XIRP2: variants seen among roughly 807,000 people sequenced by gnomAD.
XIRP2 encodes xin actin-binding repeat-containing protein 2.
XIRP2 carries 236 observed loss-of-function variants against 277.0 expected under a neutral mutation model. The observed-to-expected ratio is 0.85, with a 90% CI of 0.77 to 0.95. The LOEUF (loss-of-function observed/expected upper bound fraction) is 0.95. XIRP2 is among the 40% of genes least tolerant of loss of function. The probability of loss-of-function intolerance (pLI) is 0.00; values close to 1 mark genes in which losing one functional copy is unlikely to be tolerated. For synonymous variants in XIRP2, 1,490 were observed against 1,416.5 expected, an observed-to-expected ratio of 1.05 and a Z score of -1.17; for missense variants, 4,640 against 4,157.5, an observed-to-expected ratio of 1.12 and a Z score of -3.19.
In XIRP2 at chr2:167,247,945, C is replaced by A; in HGVS notation, c.6553C>A (p.Gln2185Lys). 1.2e-6 allele frequency: 2 copies of A among 1,609,516 alleles called. No homozygotes were observed. Among genetic ancestry groups the A allele is most frequent in the Non-Finnish European group, 1.7e-6 (2 of 1,178,818 alleles). The change falls in exon 9 of 11, where the codon CAA (glutamine) becomes AAA (lysine). Residue 2185 changes from glutamine (Q) to lysine (K), a missense_variant. Gln to Lys is a moderately conservative substitution (Grantham distance 53). Coordinates refer to ENST00000409195, the MANE Select transcript of XIRP2 (RefSeq NM_152381.6). ...TYDLSGDFQK[Q>K]TLLKQETKYS... ...CGACCTTTCAGGGGACTTTCAGAAG[C>A]AAACTTTGTTAAAGCAAGAAACAAA...
intron 5 of XIRP2, among the ~76,000 whole-genome samples, chr2:167,239,544 G>T (rs912963226): frequency 2.0e-5 from 3 of 152,202 alleles, no homozygotes; most frequent in Admixed American, 6.5e-5. Context: ...GAAGTGGGCA[G>T]CCTCTAGAAG....
intron 2 of XIRP2, among the ~76,000 whole-genome samples, chr2:167,094,735 T>A (rs1156661974): frequency 6.6e-6 from 1 of 152,234 alleles, no homozygotes; most frequent in Non-Finnish European, 1.5e-5. Context: ...TAGTATAGTT[T>A]GAAGTCAGGT....
intron 2 of XIRP2, among the ~76,000 whole-genome samples, chr2:167,073,682 A>G (rs974644646): frequency 2.6e-5 from 4 of 152,196 alleles, no homozygotes. Flanking sequence ...TTAAATTTAG[A>G]AAGGATTTCC....
intron 3 of XIRP2, among the ~76,000 whole-genome samples, chr2:167,176,411 C>T (rs1016862918): frequency 6.6e-6 from 1 of 152,194 alleles, no homozygotes; most frequent in African/African-American, 2.4e-5. Context: ...CTGCATTGAT[C>T]TCGCTGGAGC....
chr2:166,911,688 C>T (rs576781327), intron 2 of XIRP2, among the ~76,000 whole-genome samples: 11 of 152,256 alleles, frequency 7.2e-5, no homozygotes, highest in South Asian at 6.2e-4. Context: ...TTAGTTGATG[C>T]GGTTTCTTCC....
intron 2 of XIRP2, among the ~76,000 whole-genome samples, chr2:167,089,780 A>G (rs572633146): frequency 6.6e-6 from 1 of 152,112 alleles, no homozygotes; most frequent in African/African-American, 2.4e-5. Context: ...ATTTTTTTTA[A>G]GATAAAGTTC....
In XIRP2 at chr2:167,181,654, T is replaced by C. The variant is rs536198660; in HGVS notation, c.563-29081T>C. Among the ~76,000 whole-genome samples the C allele has an allele frequency of 3.9e-5, 6 of 152,330 alleles. No homozygotes were observed. The South Asian group carries it at 8.3e-4, about 21-fold the overall frequency. On this transcript the variant is annotated intron_variant, in intron 3 of 10. Transcript: ENST00000409195. The stretch of plus-strand genomic sequence containing the variant: ...CTTTTTTCCTCCAGAACAAATATCA[T>C]TGATTCTCTATAGTTCTTTCATTCA...
chr2:167,056,228 TG>T (rs1335090845), intron 2 of XIRP2, among the ~76,000 whole-genome samples: 1 of 152,092 alleles, frequency 6.6e-6, no homozygotes, highest in Non-Finnish European at 1.5e-5. Context: ...TAAAAGTAAC[TG>T]GGGGGAAAAT....
At chr2:167,072,936 C>T (rs1013060542) in intron 2 of XIRP2, among the ~76,000 whole-genome samples, 4 of 152,104 alleles carry the variant, frequency 2.6e-5, no homozygotes, top group African/African-American at 9.7e-5. Flanking sequence ...TTGAAACATT[C>T]TGCATATTCC....
Position 167,243,759 on chromosome 2 carries a change from TA to T in XIRP2, c.2370del (p.Val791LeufsTer15), listed in dbSNP as rs776058533. On this transcript the variant is annotated frameshift_variant, in exon 9 of 11. Transcript: ENST00000409195. LOFTEE classifies it high-confidence loss of function. The stretch of plus-strand genomic sequence containing the variant: ...CAATTAACAAAGATATCACAGAAAT[TA>T]AAGTTGTCCGAGGAATATCCATGGA... ...DTINKDITEI[K>X]VVRGISMEEN... The T allele has an allele frequency of 6.2e-7, 1 of 1,613,836 alleles. No homozygotes were observed. The highest frequency in any genetic ancestry group is 1.3e-5 in the African/African-American group (1 of 74,872).
chr2:167,172,837 G>C (rs369590510), intron 3 of XIRP2, among the ~76,000 whole-genome samples: 1 of 152,260 alleles, frequency 6.6e-6, no homozygotes, highest in Admixed American at 6.5e-5. Flanking sequence ...CTCAGCTTAC[G>C]AAGATGATGG....
chr2:167,258,864 G>C lies in XIRP2; in HGVS notation c.*1047G>C, dbSNP rs758672525. On this transcript the variant is annotated 3_prime_UTR_variant, in exon 11 of 11. Transcript: ENST00000409195. The stretch of plus-strand genomic sequence containing the variant: ...TTTGAATCTGAAAAGACTTATTCGA[G>C]GAATGTACTAGCAATGGCTCTGAAG... The C allele has an allele frequency of 6.2e-6, 10 of 1,613,166 alleles. No individual in the cohort carries two copies. The East Asian group carries it at 2.2e-4, about 36-fold the overall frequency.
At chr2:167,038,334 T>C (rs1688571642) in intron 2 of XIRP2, among the ~76,000 whole-genome samples, 1 of 151,964 alleles carries the variant, frequency 6.6e-6, no homozygotes, top group East Asian at 1.9e-4. Flanking sequence ...AAAGAGGCCA[T>C]GAAAACCAAT....
intron 3 of XIRP2, among the ~76,000 whole-genome samples, chr2:167,176,691 G>T: frequency 6.6e-6 from 1 of 152,202 alleles, no homozygotes; most frequent in East Asian, 1.9e-4. Context: ...GGTTGTTAGT[G>T]TGGGGTAAGT....
chr2:167,025,514 T>C lies in XIRP2; in HGVS notation c.409-110395T>C, dbSNP rs1189161891. On this transcript the variant is annotated intron_variant, in intron 2 of 10. Coordinates refer to ENST00000409195, the MANE Select transcript of XIRP2 (RefSeq NM_152381.6). ...TCTGCTAGCTTTTGAATGTGTTTGCTCTTGCTTTTCTAGTTCTTTTAATTG... is the reference window on the plus strand; with the variant it reads ...TCTGCTAGCTTTTGAATGTGTTTGCCCTTGCTTTTCTAGTTCTTTTAATTG... Among the ~76,000 whole-genome samples, 4 of 151,824 alleles carry C rather than the reference T, an allele frequency of 2.6e-5. No homozygotes were observed. The East Asian group carries it at 7.8e-4, about 30-fold the overall frequency.
rs1020557421 is a variant in XIRP2, at chr2:167,220,782, C to G, written c.858+2482C>G. ...TACCTTGTTTCCCTAAATGGAAGTT[C>G]TCAGCATATGGTTTTCAATGAAGAA... On this transcript the variant is annotated intron_variant, in intron 5 of 10. Coordinates refer to ENST00000409195, the MANE Select transcript of XIRP2 (RefSeq NM_152381.6). Among the ~76,000 whole-genome samples, 8 of 152,180 alleles carry G rather than the reference C, an allele frequency of 5.3e-5. 1 individual carries two copies. The highest frequency in any genetic ancestry group is 5.2e-4 in the Admixed American group (8 of 15,280).
chr2:167,020,536 C>T (rs1037785703), intron 2 of XIRP2, among the ~76,000 whole-genome samples: 1 of 151,868 alleles, frequency 6.6e-6, no homozygotes, highest in East Asian at 1.9e-4. Flanking sequence ...CTCTTCTATT[C>T]GTATGATCAG....
intron 2 of XIRP2, among the ~76,000 whole-genome samples, chr2:167,076,305 C>G (rs1371959219): frequency 2.6e-5 from 4 of 152,150 alleles, no homozygotes; most frequent in African/African-American, 9.7e-5. Flanking sequence ...TATACTCAAT[C>G]TTTTATTTCA....
chr2:167,141,307 A>T (rs1004769), intron 3 of XIRP2, among the ~76,000 whole-genome samples: 19,557 of 152,178 alleles, frequency 0.13, 1,357 homozygotes, highest in African/African-American at 0.19. Context: ...CAAACAAATA[A>T]GTATTGAGTG....
Sources: gnomAD v4.1 joint callset for allele counts (sites outside exome capture counted in the v4.1 genomes callset) on GRCh38, gnomAD v4.1.1 for gene constraint, MANE v1.5 for transcripts, NCBI Gene and HGNC (gene_info 2026-07-23, HGNC 2026-07-21) for gene names.